CNGB3: variants seen among roughly 807,000 people sequenced by gnomAD.
The protein encoded by CNGB3 is cyclic nucleotide-gated channel beta-3.
A neutral mutation model predicts 92.8 loss-of-function variants in CNGB3; 86 were observed. That is an observed-to-expected ratio of 0.93 (90% confidence interval 0.78 to 1.11). The LOEUF (loss-of-function observed/expected upper bound fraction) is 1.11. CNGB3 is among the 50% of genes least tolerant of loss of function. CNGB3 has a pLI of 0.00. For missense variants in CNGB3, 1,026 were observed against 956.8 expected (o/e 1.07, Z -0.95); for synonymous variants, 333 against 332.7 (o/e 1.00, Z -0.01).
rs1042820229 is a variant in CNGB3, at chr8:86,575,637, A to T, written c.*167T>A. 2 of 570,010 alleles carry T rather than the reference A, an allele frequency of 3.5e-6. No individual in the cohort carries two copies. Among genetic ancestry groups the T allele is most frequent in the Non-Finnish European group, 6.2e-6 (2 of 325,038 alleles). The allele number at this position is 570,010 out of a possible 1,614,324, so 35.3% of individuals were successfully genotyped here. ...GGCTTTTAATAATCTTCTTATTACC[A>T]CTGCATGAAATCACACTCTCAGATA... On this transcript the variant is annotated 3_prime_UTR_variant, in exon 18 of 18. Transcript: ENST00000320005.
intron 7 of CNGB3, among the ~76,000 whole-genome samples, chr8:86,648,367 T>C (rs991460930): frequency 2.6e-5 from 4 of 151,368 alleles, no homozygotes; most frequent in African/African-American, 9.6e-5. Flanking sequence ...TCTTCAATGC[T>C]TTCTACTCTT....
chr8:86,661,602 T>C, intron 6 of CNGB3: 1 of 784,458 alleles, frequency 1.3e-6, no homozygotes, highest in Non-Finnish European at 2.3e-6. Context: ...TCCTCCAACT[T>C]TTTCCCACTA....
At chr8:86,606,134 A>G (rs894125379) in intron 14 of CNGB3, among the ~76,000 whole-genome samples, 1 of 141,678 alleles carries the variant, frequency 7.1e-6, no homozygotes, top group African/African-American at 2.6e-5. Context: ...TTAAATTAAA[A>G]TTTTGGGGTT....
chr8:86,734,603 G>T (rs1289047544), intron 2 of CNGB3, among the ~76,000 whole-genome samples: 1 of 152,148 alleles, frequency 6.6e-6, no homozygotes, highest in Non-Finnish European at 1.5e-5. Context: ...TCAGTTATGT[G>T]TTCCCAGTGA....
chr8:86,635,268 A>G (rs1034837746), intron 10 of CNGB3, among the ~76,000 whole-genome samples: 3 of 152,066 alleles, frequency 2.0e-5, no homozygotes, highest in Non-Finnish European at 4.4e-5. Context: ...TAAATTAAGG[A>G]AATTTATTAA....
intron 3 of CNGB3, among the ~76,000 whole-genome samples, chr8:86,681,401 A>G (rs1163696198): frequency 6.6e-6 from 1 of 152,210 alleles, no homozygotes; most frequent in Non-Finnish European, 1.5e-5. Context: ...GTAGCACAGG[A>G]CAACAGGTGT....
rs1253983511 is a variant in CNGB3 at position 86,583,045 on chromosome 8, G to A, written c.1782-3793C>T. 7.9e-4 allele frequency among the ~76,000 whole-genome samples: 4 copies of A among 5,066 alleles called. No individual in the cohort carries two copies. The African/African-American group carries it at 8.1e-3, about 10-fold the overall frequency. 3.3% of individuals were successfully genotyped at this position (5,066 alleles called of 152,430 possible). On this transcript the variant is annotated intron_variant, in intron 15 of 17. Coordinates refer to ENST00000320005, the MANE Select transcript of CNGB3 (RefSeq NM_019098.5). ...CTGCTTCCTGTAGCTGGGATTACAG[G>A]TGTCCACCACCATGCCTGGCTAATT...
At chr8:86,714,801 G>A (rs1418462564) in intron 3 of CNGB3, among the ~76,000 whole-genome samples, 8 of 152,132 alleles carry the variant, frequency 5.3e-5, no homozygotes, top group African/African-American at 1.9e-4. Context: ...CTACTGGTAG[G>A]GCACTGTGGG....
At chr8:86,585,589 G>C (rs1821875967) in intron 15 of CNGB3, among the ~76,000 whole-genome samples, 1 of 152,024 alleles carries the variant, frequency 6.6e-6, no homozygotes, top group East Asian at 1.9e-4. Context: ...AACAAGAATG[G>C]GGACATAAAA....
chr8:86,664,349 G>A (rs963292421), intron 6 of CNGB3, among the ~76,000 whole-genome samples: 17 of 152,152 alleles, frequency 1.1e-4, no homozygotes, highest in African/African-American at 3.6e-4. Flanking sequence ...GAGATTAAGC[G>A]ACCTAACTGT....
intron 7 of CNGB3, among the ~76,000 whole-genome samples, chr8:86,649,598 G>C (rs191358867): frequency 2.4e-4 from 37 of 151,690 alleles, no homozygotes; most frequent in Admixed American, 6.6e-4. Flanking sequence ...CAAGCCACAC[G>C]TGGAAGAGTG....
intron 14 of CNGB3, 90 bp downstream of exon 14, chr8:86,611,498 C>T: frequency 2.0e-6 from 2 of 1,000,938 alleles, no homozygotes; most frequent in Non-Finnish European, 3.2e-6. Context: ...TCACCCTGAA[C>T]AAATTTTGTT....
At chr8:86,682,092 A>G (rs908707711) in intron 3 of CNGB3, among the ~76,000 whole-genome samples, 1 of 152,174 alleles carries the variant, frequency 6.6e-6, no homozygotes, top group African/African-American at 2.4e-5. Context: ...TAAAAGTTTT[A>G]TTGAGATATT....
chr8:86,643,151 A>G (rs1320337921), intron 10 of CNGB3, among the ~76,000 whole-genome samples: 1 of 150,466 alleles, frequency 6.6e-6, no homozygotes, highest in Non-Finnish European at 1.5e-5. Flanking sequence ...GATATTTTCT[A>G]TTCTATTATT....
chr8:86,696,960 C>A (rs1158986487), intron 3 of CNGB3, among the ~76,000 whole-genome samples: 2 of 151,788 alleles, frequency 1.3e-5, no homozygotes, highest in African/African-American at 2.4e-5. Flanking sequence ...AAGCTCAAAT[C>A]AAAAAACATG....
intron 6 of CNGB3, among the ~76,000 whole-genome samples, chr8:86,662,857 A>T (rs780985806): frequency 1.3e-5 from 2 of 152,184 alleles, no homozygotes; most frequent in Non-Finnish European, 2.9e-5. Context: ...TTTCATGGCC[A>T]TGGGAGAGCC....
At chr8:86,685,030 T>C (rs926766636) in intron 3 of CNGB3, among the ~76,000 whole-genome samples, 2 of 152,088 alleles carry the variant, frequency 1.3e-5, no homozygotes, top group South Asian at 4.1e-4. Flanking sequence ...TGGATTATCA[T>C]TGTCAACATC....
At chr8:86,694,179 C>T (rs1308643272) in intron 3 of CNGB3, among the ~76,000 whole-genome samples, 2 of 121,152 alleles carry the variant, frequency 1.7e-5, no homozygotes, top group East Asian at 2.4e-4. Flanking sequence ...GGGGGGCTGA[C>T]CCCCCCCACC....
intron 2 of CNGB3, among the ~76,000 whole-genome samples, chr8:86,727,591 C>G (rs1038749847): frequency 1.3e-5 from 2 of 151,898 alleles, no homozygotes; most frequent in African/African-American, 4.8e-5. Flanking sequence ...GTAATTTACC[C>G]AGAGAATAAA....
Sources: allele counts gnomAD v4.1 joint callset (sites outside exome capture counted in the v4.1 genomes callset), GRCh38; gene constraint gnomAD v4.1.1; transcripts MANE v1.5; gene names NCBI Gene and HGNC (gene_info 2026-07-23, HGNC 2026-07-21).